KIAA0408: variants seen among roughly 807,000 people sequenced by gnomAD.
KIAA0408 encodes KIAA0408.
In KIAA0408, 51 loss-of-function variants were observed where a neutral mutation model predicts 60.9. That is an observed-to-expected ratio of 0.84 (90% CI 0.67 to 1.06). The LOEUF (loss-of-function observed/expected upper bound fraction) is 1.06, where lower values mean the gene tolerates loss of function less well. KIAA0408 is among the 50% of genes least tolerant of loss of function. The pLI, the probability that KIAA0408 is intolerant of heterozygous loss-of-function variation, is 0.00. For synonymous variants in KIAA0408, 304 were observed against 282.4 expected (o/e 1.08, Z -0.77); for missense variants, 787 against 833.9 (o/e 0.94, Z 0.69).
intron 1 of KIAA0408, among the ~76,000 whole-genome samples, chr6:127,457,242 A>C (rs1232226096): frequency 2.0e-5 from 3 of 152,178 alleles, no homozygotes; most frequent in Non-Finnish European, 2.9e-5. Context: ...ATCAAACTGA[A>C]GGGGCAACTT....
chr6:127,449,702 T>C (rs1171398380), intron 4 of KIAA0408, 120 bp downstream of exon 4: 4 of 1,311,042 alleles, frequency 3.1e-6, no homozygotes, highest in South Asian at 2.8e-5. Context: ...CCACCCTAGA[T>C]AGTACATTTT....
intron 1 of KIAA0408, among the ~76,000 whole-genome samples, chr6:127,455,610 A>G (rs908168036): frequency 1.6e-4 from 25 of 152,070 alleles, no homozygotes; most frequent in Admixed American, 1.4e-3. Flanking sequence ...TGGGATCTAT[A>G]TTGTTACTTT....
At chr6:127,454,654 C>T (rs932636962) in intron 1 of KIAA0408, among the ~76,000 whole-genome samples, 17 of 152,058 alleles carry the variant, frequency 1.1e-4, no homozygotes, top group African/African-American at 4.1e-4. Context: ...ATGTATCATC[C>T]AGAAACTAAT....
Position 127,449,976 on chromosome 6 carries a change from C to A in KIAA0408, c.498+14G>T. The A allele has an allele frequency of 6.2e-7, 1 of 1,613,754 alleles. No homozygotes were observed. Among genetic ancestry groups the A allele is most frequent in the Middle Eastern group, 1.7e-4 (1 of 6,060 alleles). ...TCTTTAGAAACAGTTCTAGGCCAAT[C>A]ACATCTTACTTACTGTACTGAGGGC... On this transcript the variant is annotated intron_variant, in intron 3 of 5. Coordinates refer to ENST00000483725, the MANE Select transcript of KIAA0408 (RefSeq NM_014702.5).
At chr6:127,455,361 G>A (rs758387123) in intron 1 of KIAA0408, among the ~76,000 whole-genome samples, 3 of 152,128 alleles carry the variant, frequency 2.0e-5, no homozygotes, top group Non-Finnish European at 4.4e-5. Flanking sequence ...ACATACCCAA[G>A]CAGCAAGTGC....
At chr6:127,453,776 A>G in intron 2 of KIAA0408, 71 bp downstream of exon 2, 2 of 1,543,742 alleles carry the variant, frequency 1.3e-6, no homozygotes, top group Non-Finnish European at 1.7e-6. Flanking sequence ...AGTTTCCAAT[A>G]CAAAACAGCC....
At position 127,446,446 on chromosome 6, in the gene KIAA0408, C is replaced by T. The variant is rs1452397966; in HGVS notation, c.1873G>A (p.Glu625Lys). Reference sequence around the variant, plus strand: ...TTCGGATCTATTCCTTGCTTCACTTCCTGTCCCCCCCACACAGCTGTCTTT... The same window carrying T: ...TTCGGATCTATTCCTTGCTTCACTTTCTGTCCCCCCCACACAGCTGTCTTT... ...QQKTAVWGGQEVKQGIDPKKI... is the reference protein window; with the variant it reads ...QQKTAVWGGQKVKQGIDPKKI... The change falls in exon 5 of 6, where the codon GAA (glutamate) becomes AAA (lysine). Residue 625 changes from glutamate (E) to lysine (K), a missense_variant. Physicochemically the swap from Glu to Lys is moderately conservative, Grantham distance 56. Coordinates refer to ENST00000483725, the MANE Select transcript of KIAA0408 (RefSeq NM_014702.5). 6.2e-7 allele frequency: 1 copy of T among 1,612,718 alleles called. No individual in the cohort carries two copies. Among genetic ancestry groups the T allele is most frequent in the South Asian group, 1.1e-5 (1 of 91,050 alleles).
In KIAA0408 at chr6:127,450,019, T is replaced by A; in HGVS notation, c.469A>T (p.Ser157Cys). ...WPDLRTSEED[S>C]KSCSGALSTA... The stretch of plus-strand genomic sequence containing the variant: ...CTGAGGGCGCCAGAACAGCTCTTGC[T>A]GTCTTCCTCAGAAGTCCTCAGGTCA... The change falls in exon 3 of 6, where the codon AGC (serine) becomes TGC (cysteine). Residue 157 changes from serine to cysteine, a missense_variant. Physicochemically the swap from Ser to Cys is moderately radical, Grantham distance 112. Transcript: ENST00000483725. 6.2e-7 allele frequency: 1 copy of A among 1,613,892 alleles called. No individual in the cohort carries two copies. Among genetic ancestry groups the A allele is most frequent in the East Asian group, 2.2e-5 (1 of 44,876 alleles).
chr6:127,458,172 C>T (rs1391008938), intron 1 of KIAA0408, among the ~76,000 whole-genome samples: 1 of 152,146 alleles, frequency 6.6e-6, no homozygotes, highest in African/African-American at 2.4e-5. Context: ...AGCTTATAAC[C>T]TATCAGAGTA....
chr6:127,453,961 C>G lies in KIAA0408; in HGVS notation c.21G>C (p.Trp7Cys), dbSNP rs1773347393. 6.2e-7 allele frequency: 1 copy of G among 1,612,534 alleles called. No individual in the cohort carries two copies. Among genetic ancestry groups the G allele is most frequent in the Non-Finnish European group, 8.5e-7 (1 of 1,179,002 alleles). MDLHKQWENTETNWHKE... is the reference protein window; with the variant it reads MDLHKQCENTETNWHKE... ...TATGCCAGTTAGTCTCTGTGTTCTC[C>G]CACTGCTTATGTAGGTCCATGGCAA... The change falls in exon 2 of 6, where the codon TGG becomes TGC. Residue 7 changes from tryptophan (W) to cysteine (C), a missense_variant. Trp to Cys is a radical substitution (Grantham distance 215, BLOSUM62 -2). This residue lies in a region of KIAA0408 where 640 missense variants were observed against 681.3 expected (regional missense o/e 0.94). Transcript: ENST00000483725.
chr6:127,450,400 C>A, intron 2 of KIAA0408, 48 bp from the exon 3 acceptor site: 1 of 1,521,232 alleles, frequency 6.6e-7, no homozygotes. Flanking sequence ...CCCTAATTCA[C>A]TTTGCTAATA....
chr6:127,443,164 G>A lies in KIAA0408; in HGVS notation c.*945C>T, dbSNP rs562648755. 1 of 152,248 alleles carries A rather than the reference G, an allele frequency of 6.6e-6. No individual in the cohort carries two copies. The highest frequency in any genetic ancestry group is 2.1e-4 in the South Asian group (1 of 4,824). The allele number at this position is 152,248 out of a possible 1,614,324, so 9.4% of individuals were successfully genotyped here. A position where few individuals can be genotyped will look rare whatever the true frequency, so the allele number is the denominator to read the frequency against. On this transcript the variant is annotated 3_prime_UTR_variant, in exon 6 of 6. Transcript: ENST00000483725. ...TACCTCTAAGTATGTATGACTCCAT[G>A]TTAAAGCAGCTAAACTAAAAGCTTA...
At chr6:127,450,394 A>G in intron 2 of KIAA0408, 42 bp from the exon 3 acceptor site, 1 of 1,528,494 alleles carries the variant, frequency 6.5e-7, no homozygotes, top group Middle Eastern at 2.3e-4. Flanking sequence ...CTTTTCCCCT[A>G]ATTCACTTTG....
At chr6:127,457,727 A>G (rs1371609334) in intron 1 of KIAA0408, among the ~76,000 whole-genome samples, 2 of 152,226 alleles carry the variant, frequency 1.3e-5, no homozygotes, top group Non-Finnish European at 2.9e-5. Context: ...AAAGTTTAAG[A>G]GTAACACACA....
At chr6:127,444,994 A>G (rs1487903799) in intron 5 of KIAA0408, among the ~76,000 whole-genome samples, 1 of 152,114 alleles carries the variant, frequency 6.6e-6, no homozygotes, top group African/African-American at 2.4e-5. Context: ...CAAAAGTACA[A>G]AGCTTCCATG....
At position 127,440,985 on chromosome 6, in the gene KIAA0408, G is replaced by T. The variant is rs1342008711; in HGVS notation, c.*3124C>A. 6.6e-6 allele frequency: 1 copy of T among 152,136 alleles called. No individual in the cohort carries two copies. Among genetic ancestry groups the T allele is most frequent in the Non-Finnish European group, 1.5e-5 (1 of 68,028 alleles). 9.4% of individuals were successfully genotyped at this position (152,136 alleles called of 1,614,324 possible). On this transcript the variant is annotated 3_prime_UTR_variant, in exon 6 of 6. Transcript: ENST00000483725. ...TCATAAGACACTTAGCTTTACTGGAGTTCACTGCAGAAAATGAGGGAAAGA... is the reference window on the plus strand; with the variant it reads ...TCATAAGACACTTAGCTTTACTGGATTTCACTGCAGAAAATGAGGGAAAGA...
At chr6:127,449,574 C>T (rs1773263574) in intron 4 of KIAA0408, among the ~76,000 whole-genome samples, 1 of 152,080 alleles carries the variant, frequency 6.6e-6, no homozygotes, top group South Asian at 2.1e-4. Context: ...ATCGCTTGAA[C>T]CTGGGAGGCA....
At chr6:127,445,251 A>T (rs1773171318) in intron 5 of KIAA0408, among the ~76,000 whole-genome samples, 1 of 152,128 alleles carries the variant, frequency 6.6e-6, no homozygotes, top group African/African-American at 2.4e-5. Flanking sequence ...TCCCTGCCAA[A>T]CTCCCAATGA....
Position 127,446,388 on chromosome 6 carries a change from T to C in KIAA0408, c.1911+20A>G, listed in dbSNP as rs766737077. On this transcript the variant is annotated intron_variant, in intron 5 of 5. Transcript: ENST00000483725. ...TGCTAATATGGATGCTACCAAATTATGTTATATTTGCTTTCTCACCTCTGT... is the reference window on the plus strand; with the variant it reads ...TGCTAATATGGATGCTACCAAATTACGTTATATTTGCTTTCTCACCTCTGT... 3 of 1,589,602 alleles carry C rather than the reference T, an allele frequency of 1.9e-6. No individual in the cohort carries two copies. The South Asian group carries it at 3.4e-5, about 18-fold the overall frequency.
Sources: gnomAD v4.1 joint callset for allele counts (sites outside exome capture counted in the v4.1 genomes callset) on GRCh38, gnomAD v4.1.1 for gene constraint, gnomAD v4.1.1 regional missense constraint, MANE v1.5 for transcripts, NCBI Gene and HGNC (gene_info 2026-07-23, HGNC 2026-07-21) for gene names.